The following HS1BP3 variants were observed in gnomAD, a reference collection of about 807,000 sequenced individuals.
HS1BP3 encodes HCLS1 binding protein 3, also known as HCLS1-binding protein 3.
In HS1BP3, 32 loss-of-function variants were observed where a neutral mutation model predicts 33.5. That is an observed-to-expected ratio of 0.95 (90% CI 0.72 to 1.28). HS1BP3 has a LOEUF of 1.28. Ranked by LOEUF, HS1BP3 falls within the 50% of genes most tolerant of loss-of-function variation. The pLI, the probability that HS1BP3 is intolerant of heterozygous loss-of-function variation, is 0.00. For synonymous variants in HS1BP3, 187 were observed against 209.2 expected, an observed-to-expected ratio of 0.89 and a Z score of 0.92; for missense variants, 486 against 502.3, an observed-to-expected ratio of 0.97 and a Z score of 0.31.
chr2:20,616,074 G>A (rs755066015), downstream of HS1BP3, among the ~76,000 whole-genome samples: 1 of 152,216 alleles, frequency 6.6e-6, no homozygotes, highest in South Asian at 2.1e-4. Flanking sequence ...AGTACATCCT[G>A]TCCATGGGCT....
At chr2:20,638,363 C>T (rs1037649865) in intron 4 of HS1BP3, 73 bp downstream of exon 4, 5 of 1,436,176 alleles carry the variant, frequency 3.5e-6, no homozygotes, top group Non-Finnish European at 4.8e-6. Context: ...TCTCAGATTC[C>T]AGGGAAGGGG....
chr2:20,587,930 C>T (rs1271229741), downstream of HS1BP3, among the ~76,000 whole-genome samples: 1 of 152,002 alleles, frequency 6.6e-6, no homozygotes, highest in Non-Finnish European at 1.5e-5. Context: ...ACGTCCGGGC[C>T]TCTTCCACCA....
At chr2:20,645,165 T>A (rs1427655558) in intron 2 of HS1BP3, among the ~76,000 whole-genome samples, 175 bp downstream of exon 2, 1 of 152,174 alleles carries the variant, frequency 6.6e-6, no homozygotes, top group Non-Finnish European at 1.5e-5. Flanking sequence ...ACTGAGAGCG[T>A]CTGATTCACC....
chr2:20,616,539 T>C (rs1694429497), downstream of HS1BP3, among the ~76,000 whole-genome samples: 1 of 152,166 alleles, frequency 6.6e-6, no homozygotes, highest in Non-Finnish European at 1.5e-5. Flanking sequence ...AGGGGGTAGG[T>C]CTGGAGACAG....
intron 1 of HS1BP3, among the ~76,000 whole-genome samples, chr2:20,646,364 A>T (rs1482950534): frequency 6.6e-6 from 1 of 152,088 alleles, no homozygotes; most frequent in Non-Finnish European, 1.5e-5. Flanking sequence ...GAGCTTCTGG[A>T]GCTTAACCTG....
At position 20,619,018 on chromosome 2, in the gene HS1BP3, G is replaced by A; in HGVS notation, c.1148C>T (p.Thr383Ile). The change falls in exon 7 of 7, where the codon ACA becomes ATA. Residue 383 changes from threonine (T) to isoleucine (I), a missense_variant. By Grantham distance (89) the Thr-to-Ile change is moderately conservative (BLOSUM62 -1). Transcript: ENST00000304031. ...GAGGCTGGGGGCGGCCTGGGCTGGT[G>A]TATCGTGGTCCTGGATGTACTGCAA... ...DILQYIQDHDTPAQAAPSLF is the reference protein window; with the variant it reads ...DILQYIQDHDIPAQAAPSLF The A allele has an allele frequency of 1.2e-6, 2 of 1,614,154 alleles. No individual in the cohort carries two copies. Among genetic ancestry groups the A allele is most frequent in the South Asian group, 1.1e-5 (1 of 91,088 alleles).
intron 4 of HS1BP3, chr2:20,638,147 T>C (rs1695209308): frequency 1.8e-6 from 1 of 564,550 alleles, no homozygotes; most frequent in Non-Finnish European, 3.1e-6. Context: ...ACTACTGAGC[T>C]GTCACGGAGG....
Position 20,618,965 on chromosome 2 carries a change from G to A in HS1BP3, c.*22C>T. ...ATGTCCCCACAGACAGGCCTGCTGG[G>A]CCAGGGGCCAGCATGGAAGGGTCAG... On this transcript the variant is annotated 3_prime_UTR_variant, in exon 7 of 7. Coordinates refer to ENST00000304031, the MANE Select transcript of HS1BP3 (RefSeq NM_022460.4). 1.2e-6 allele frequency: 2 copies of A among 1,604,888 alleles called. No homozygotes were observed. Among genetic ancestry groups the A allele is most frequent in the South Asian group, 2.2e-5 (2 of 90,042 alleles).
chr2:20,563,617 A>G (rs780772936), intron 5 of HS1BP3, among the ~76,000 whole-genome samples: 1 of 152,122 alleles, frequency 6.6e-6, no homozygotes, highest in Non-Finnish European at 1.5e-5. Context: ...AAGACGAGGA[A>G]TGGTCCCCGA....
At chr2:20,568,589 A>G (rs1183811306) in intron 5 of HS1BP3, among the ~76,000 whole-genome samples, 2 of 152,098 alleles carry the variant, frequency 1.3e-5, no homozygotes, top group African/African-American at 4.8e-5. Flanking sequence ...GACAGGAACC[A>G]AATCAGGAGG....
intron 2 of HS1BP3, chr2:20,606,264 A>C: frequency 3.2e-6 from 1 of 309,252 alleles, no homozygotes; most frequent in South Asian, 4.0e-5. Context: ...CTAAATGTAC[A>C]GTTGGTTGGA....
At chr2:20,555,301 C>A in the HS1BP3 span, among the ~76,000 whole-genome samples, 1 of 152,256 alleles carries the variant, frequency 6.6e-6, no homozygotes, top group Non-Finnish European at 1.5e-5. Flanking sequence ...ATCAGACCAA[C>A]TATAGGACTG....
chr2:20,645,611 T>C (rs1695495600), intron 1 of HS1BP3, 106 bp from the exon 2 acceptor site: 1 of 1,132,280 alleles, frequency 8.8e-7, no homozygotes, highest in East Asian at 2.6e-5. Context: ...GGGTGCCAGG[T>C]GACTCTGCTG....
intron 4 of HS1BP3, among the ~76,000 whole-genome samples, chr2:20,625,233 G>A (rs1370423886): frequency 6.6e-6 from 1 of 152,272 alleles, no homozygotes; most frequent in African/African-American, 2.4e-5. Context: ...GGGCAGCTGT[G>A]CCCTGTGTTC....
Position 20,638,624 on chromosome 2 carries a change from G to A in HS1BP3, c.435C>T (p.Leu145=). The A allele has an allele frequency of 6.2e-7, 1 of 1,614,014 alleles. No individual in the cohort carries two copies. The change falls in exon 4 of 7, where the codon CTC becomes CTT. Residue 145 remains leucine (L), a synonymous_variant. Coordinates refer to ENST00000304031, the MANE Select transcript of HS1BP3 (RefSeq NM_022460.4). ...CCAGGACAGAGGAATCTCTGCTGGTGAGCCCTGCAGCCCCTGGGGATCTGG... is the reference window on the plus strand; with the variant it reads ...CCAGGACAGAGGAATCTCTGCTGGTAAGCCCTGCAGCCCCTGGGGATCTGG... ...LGTRSPGAAG[L]TSRDSSVLDG...
In HS1BP3 at chr2:20,580,911, G is replaced by A. The variant is rs140856091; in HGVS notation, c.303-20396C>T. Among the ~76,000 whole-genome samples, 709 of 152,336 alleles carry A rather than the reference G, an allele frequency of 4.7e-3. 7 individuals are homozygous for A. The highest frequency in any genetic ancestry group is 0.016 in the African/African-American group (672 of 41,568). On this transcript the variant is annotated intron_variant, in intron 5 of 5. Coordinates refer to the HS1BP3 transcript ENST00000446825. ...CCATGTGAACAAGAGTCCCATGCCT[G>A]CTGAACTCACACCACGGATATTGGC...
downstream of HS1BP3, among the ~76,000 whole-genome samples, chr2:20,617,077 G>A (rs553245985): frequency 2.0e-4 from 31 of 152,254 alleles, no homozygotes; most frequent in East Asian, 3.1e-3. Flanking sequence ...CACCTACCCC[G>A]CTGTGCCCTC....
chr2:20,582,582 C>T (rs1693560180), intron 5 of HS1BP3, among the ~76,000 whole-genome samples: 1 of 152,126 alleles, frequency 6.6e-6, no homozygotes, highest in South Asian at 2.1e-4. Context: ...CTCATGTCAG[C>T]CCATTACATC....
At chr2:20,590,302 T>C (rs569159457), downstream of HS1BP3, among the ~76,000 whole-genome samples, 234 of 152,332 alleles carry the variant, frequency 1.5e-3, no homozygotes, top group Non-Finnish European at 2.3e-3. Flanking sequence ...GCTCCACCTC[T>C]ACCCAGCCTT....
Sources: gnomAD v4.1 joint callset for allele counts (sites outside exome capture counted in the v4.1 genomes callset) on GRCh38, gnomAD v4.1.1 for gene constraint, MANE v1.5 for transcripts, NCBI Gene and HGNC (gene_info 2026-07-23, HGNC 2026-07-21) for gene names.